Variants in FOXN2 observed in about 807,000 individuals in gnomAD.
The protein encoded by FOXN2 is forkhead box protein N2.
FOXN2 carries 19 observed loss-of-function variants against 41.2 expected under a neutral mutation model. The observed-to-expected ratio is 0.46, with a 90% confidence interval of 0.32 to 0.68. FOXN2 has a LOEUF of 0.68. FOXN2 is among the 30% of genes least tolerant of loss of function. The pLI is 0.03. For synonymous variants in FOXN2, 195 were observed against 176.8 expected, an observed-to-expected ratio of 1.10 and a Z score of -0.82; for missense variants, 587 against 509.4, an observed-to-expected ratio of 1.15 and a Z score of -1.47.
chr2:48,342,936 A>G (rs906742519), intron 2 of FOXN2, among the ~76,000 whole-genome samples: 1 of 152,210 alleles, frequency 6.6e-6, no homozygotes, highest in Non-Finnish European at 1.5e-5. Flanking sequence ...TTTACATCTT[A>G]ATGAAATTTT....
intron 2 of FOXN2, among the ~76,000 whole-genome samples, chr2:48,335,521 G>A (rs1166107264): frequency 1.1e-5 from 1 of 94,940 alleles, no homozygotes; most frequent in East Asian, 3.6e-4. Flanking sequence ...GAAATGATAT[G>A]CAAGACAAAA....
At chr2:48,369,568 T>C (rs138191817) in intron 5 of FOXN2, among the ~76,000 whole-genome samples, 70 of 152,286 alleles carry the variant, frequency 4.6e-4, no homozygotes, top group African/African-American at 1.6e-3. Flanking sequence ...AGAGATATAC[T>C]AATTTTTTAG....
At chr2:48,373,193 C>G (rs1673022531) in intron 5 of FOXN2, 99 bp from the exon 6 acceptor site, 1 of 800,892 alleles carries the variant, frequency 1.2e-6, no homozygotes, top group African/African-American at 1.8e-5. Context: ...AGAATATACA[C>G]CAAAATTGTA....
intron 1 of FOXN2, among the ~76,000 whole-genome samples, chr2:48,315,208 C>G (rs1276936981): frequency 6.6e-6 from 1 of 152,144 alleles, no homozygotes; most frequent in Non-Finnish European, 1.5e-5. Flanking sequence ...GGGCTGGAAT[C>G]TGCTGTTAGG....
At chr2:48,360,700 TGG>T (rs1672115828) in intron 4 of FOXN2, among the ~76,000 whole-genome samples, 1 of 152,168 alleles carries the variant, frequency 6.6e-6, no homozygotes, top group South Asian at 2.1e-4. Context: ...TAATTAATTT[TGG>T]TTATTATGAG....
chr2:48,358,067 C>T (rs547645614), intron 3 of FOXN2, among the ~76,000 whole-genome samples: 14 of 151,990 alleles, frequency 9.2e-5, no homozygotes, highest in Non-Finnish European at 1.8e-4. Flanking sequence ...ATTGCTACAC[C>T]TTTTCACAGG....
At chr2:48,362,600 A>T (rs1311547055) in intron 4 of FOXN2, 43 bp from the exon 5 acceptor site, 1 of 1,561,502 alleles carries the variant, frequency 6.4e-7, no homozygotes, top group Non-Finnish European at 8.8e-7. Context: ...AAAGTGAAGT[A>T]AACATTTTTA....
chr2:48,354,755 C>G (rs1042541703), intron 3 of FOXN2, among the ~76,000 whole-genome samples: 1 of 152,020 alleles, frequency 6.6e-6, no homozygotes, highest in Non-Finnish European at 1.5e-5. Context: ...AAATGAAAAT[C>G]TAATAGAAAA....
intron 6 of FOXN2, among the ~76,000 whole-genome samples, chr2:48,374,182 A>G (rs1461913858): frequency 6.6e-6 from 1 of 152,166 alleles, no homozygotes; most frequent in East Asian, 1.9e-4. Context: ...TATATACATA[A>G]AAAGGATTCT....
chr2:48,331,156 A>G (rs140229228), intron 2 of FOXN2, among the ~76,000 whole-genome samples: 63 of 152,340 alleles, frequency 4.1e-4, no homozygotes, highest in African/African-American at 1.4e-3. Flanking sequence ...CAAGGAAAAA[A>G]TTAATTTGCC....
At chr2:48,372,577 TGAA>T (rs1464116140) in intron 5 of FOXN2, among the ~76,000 whole-genome samples, 1 of 152,144 alleles carries the variant, frequency 6.6e-6, no homozygotes, top group African/African-American at 2.4e-5. Flanking sequence ...ATCACCAAGA[TGAA>T]GAACTTACAG....
At chr2:48,323,756 T>G (rs1669490418) in intron 1 of FOXN2, among the ~76,000 whole-genome samples, 1 of 152,178 alleles carries the variant, frequency 6.6e-6, no homozygotes, top group Non-Finnish European at 1.5e-5. Flanking sequence ...TGTTTTTGGT[T>G]TTGTTGCAGT....
At chr2:48,330,665 T>C (rs1669967985) in intron 2 of FOXN2, among the ~76,000 whole-genome samples, 1 of 152,162 alleles carries the variant, frequency 6.6e-6, no homozygotes, top group Admixed American at 6.5e-5. Flanking sequence ...GCTGATGACA[T>C]GCAGTTCTTG....
Position 48,318,226 on chromosome 2 carries a change from C to T in FOXN2, c.-157+3412C>T, listed in dbSNP as rs1428074720. On this transcript the variant is annotated intron_variant, in intron 1 of 6. Coordinates refer to ENST00000340553, the MANE Select transcript of FOXN2 (RefSeq NM_002158.4). ...AAAATTGTTACAGTACTATTAACTACATACTTTATTCCTATTTCGCTAATT... is the reference window on the plus strand; with the variant it reads ...AAAATTGTTACAGTACTATTAACTATATACTTTATTCCTATTTCGCTAATT... Among the ~76,000 whole-genome samples, 7 of 152,202 alleles carry T rather than the reference C, an allele frequency of 4.6e-5. No individual in the cohort carries two copies. The East Asian group carries it at 1.2e-3, about 25-fold the overall frequency.
rs140131320 is a variant in FOXN2, at chr2:48,373,992, TTGCAGTGAGCCATGAGCAC to T, written c.772+643_772+661del. Among the ~76,000 whole-genome samples the T allele has an allele frequency of 5.8e-3, 881 of 151,324 alleles. 12 individuals are homozygous for T. Among genetic ancestry groups the T allele is most frequent in the Middle Eastern group, 0.024 (7 of 292 alleles). On this transcript the variant is annotated intron_variant, in intron 6 of 6. Transcript: ENST00000340553. ...ATTGCTTGAACCTGGGAGGTGGGGG[TTGCAGTGAGCCATGAGCAC>T]TGCAGTGAGCTGGAGAGCACTGCAC...
chr2:48,364,264 G>A (rs1303194225), intron 5 of FOXN2, among the ~76,000 whole-genome samples: 8 of 152,014 alleles, frequency 5.3e-5, no homozygotes, highest in Admixed American at 5.2e-4. Context: ...TTCTCACTCT[G>A]TCACCCAGGC....
At chr2:48,360,126 C>T (rs1672075910) in intron 4 of FOXN2, among the ~76,000 whole-genome samples, 1 of 152,016 alleles carries the variant, frequency 6.6e-6, no homozygotes, top group South Asian at 2.1e-4. Context: ...CCCTGTTGAT[C>T]TTCTAGCTTC....
chr2:48,343,269 T>TAAAA (rs1670887940), intron 2 of FOXN2, among the ~76,000 whole-genome samples: 14 of 152,338 alleles, frequency 9.2e-5, no homozygotes, highest in Admixed American at 8.5e-4. Context: ...TTTTTATTGT[T>TAAAA]ACCATTTAGG....
intron 2 of FOXN2, among the ~76,000 whole-genome samples, chr2:48,329,495 T>C (rs1194941378): frequency 6.6e-6 from 1 of 152,128 alleles, no homozygotes; most frequent in Non-Finnish European, 1.5e-5. Flanking sequence ...TTGACCCTTT[T>C]GTATTCTGCA....
Sources: allele counts gnomAD v4.1 joint callset (sites outside exome capture counted in the v4.1 genomes callset), GRCh38; gene constraint gnomAD v4.1.1; transcripts MANE v1.5; gene names NCBI Gene and HGNC (gene_info 2026-07-23, HGNC 2026-07-21).